The following VPS37B variants were observed in gnomAD, a reference collection of about 807,000 sequenced individuals.
The protein encoded by VPS37B is VPS37B subunit of ESCRT-I, also known as vacuolar protein sorting-associated protein 37B.
In VPS37B, 11 loss-of-function variants were observed where a neutral mutation model predicts 21.2. The ratio of observed to expected loss-of-function variants is 0.52; its 90% CI spans 0.33 to 0.86. VPS37B has a LOEUF of 0.86. VPS37B is among the 40% of genes least tolerant of loss of function. The pLI is 0.03. For missense variants in VPS37B, 389 were observed against 374.8 expected (o/e 1.04, Z -0.31); for synonymous variants, 175 against 159.6 (o/e 1.10, Z -0.73).
chr12:122,888,264 G>T, intron 1 of VPS37B: 1 of 281,834 alleles, frequency 3.5e-6, no homozygotes. Context: ...ACACTGTAAC[G>T]TATTCTAGAG....
Position 122,868,609 on chromosome 12 carries a change from A to G in VPS37B, c.284-47T>C. On this transcript the variant is annotated intron_variant, in intron 2 of 3. Transcript: ENST00000267202. The surrounding 1 kb of genome is among the most constrained non-coding windows in gnomAD (Gnocchi z 5.5). ...TGACAAAAGTGAGAGGTGTCCAGGT[A>G]AAGCCCTTCATGATGCCAACCACGG... 6.4e-7 allele frequency: 1 copy of G among 1,556,294 alleles called. No homozygotes were observed. The highest frequency in any genetic ancestry group is 8.8e-7 in the Non-Finnish European group (1 of 1,136,690).
At chr12:122,877,283 G>A (rs939477023) in intron 1 of VPS37B, 4 of 152,172 alleles carry the variant, frequency 2.6e-5, no homozygotes, top group African/African-American at 9.7e-5. Context: ...GGCTGCGTTA[G>A]GATAAAAACA....
intron 1 of VPS37B, among the ~76,000 whole-genome samples, chr12:122,891,669 C>G (rs577224562): frequency 1.7e-4 from 26 of 152,270 alleles, no homozygotes; most frequent in Middle Eastern, 3.4e-3. Flanking sequence ...CTCAAGAGTG[C>G]AAATCTTAGC....
chr12:122,869,512 G>T (rs1202781085), intron 2 of VPS37B, among the ~76,000 whole-genome samples: 2 of 152,226 alleles, frequency 1.3e-5, no homozygotes, highest in Non-Finnish European at 2.9e-5. Context: ...TCTGGTTTGG[G>T]TGTATGATCG....
At chr12:122,891,707 A>T (rs556849524) in intron 1 of VPS37B, among the ~76,000 whole-genome samples, 48 of 152,314 alleles carry the variant, frequency 3.2e-4, no homozygotes, top group African/African-American at 9.6e-4. Context: ...CAGCATTCAG[A>T]GTGTGTTTGG....
Position 122,867,308 on chromosome 12 carries a change from CGG to C in VPS37B, c.664_665del (p.Pro222ValfsTer111). ...PPVPAGRLATPFTAAMSSGQA... is the reference protein window; with the variant it reads ...PPVPAGRLATXFTAAMSSGQA... ...GTCCCGAACTCATGGCCGCAGTAAA[CGG>C]GGTGGCTAAGCGTCCCGCAGGCACC... On this transcript the variant is annotated frameshift_variant, in exon 4 of 4. Coordinates refer to ENST00000267202, the MANE Select transcript of VPS37B (RefSeq NM_024667.3). LOFTEE classifies it high-confidence loss of function. This position sits in a 1 kb window ranked among gnomAD's most constrained non-coding sequence, Gnocchi z 5.5. 1.3e-6 allele frequency: 1 copy of C among 777,794 alleles called. No homozygotes were observed. The highest frequency in any genetic ancestry group is 1.9e-6 in the Non-Finnish European group (1 of 523,178). The allele number at this position is 777,794 out of a possible 1,614,324, so 48.2% of individuals were successfully genotyped here. A position where few individuals can be genotyped will look rare whatever the true frequency, so the allele number is the denominator to read the frequency against.
rs1029052208 is a variant in VPS37B, at chr12:122,896,070, T to A, written c.-8A>T. 3 of 1,565,492 alleles carry A rather than the reference T, an allele frequency of 1.9e-6. No homozygotes were observed. The African/African-American group carries it at 4.3e-5, about 22-fold the overall frequency. On this transcript the variant is annotated 5_prime_UTR_variant, in exon 1 of 4. Coordinates refer to ENST00000267202, the MANE Select transcript of VPS37B (RefSeq NM_024667.3). ...GCTCCCGGCGCCCGCCATCCCCACG[T>A]CTCGGCCGTCGTCGCCACCGCCGCT... is the stretch of plus-strand genomic sequence containing the variant.
chr12:122,884,486 G>A (rs2034293923), intron 1 of VPS37B: 1 of 152,150 alleles, frequency 6.6e-6, no homozygotes, highest in Non-Finnish European at 1.5e-5. Context: ...GTTGCCCCAG[G>A]ATTTAATGAA....
At chr12:122,871,470 T>C in intron 1 of VPS37B, 1 of 990,048 alleles carries the variant, frequency 1.0e-6, no homozygotes, top group Non-Finnish European at 1.2e-6. Context: ...GAATCACTTA[T>C]CAGCAGGAGA....
chr12:122,890,389 T>C (rs1196161030), intron 1 of VPS37B, among the ~76,000 whole-genome samples: 2 of 151,686 alleles, frequency 1.3e-5, no homozygotes, highest in Non-Finnish European at 2.9e-5. Context: ...TGAAGTGCAG[T>C]GGCATGATCA....
chr12:122,875,780 T>G (rs983434082), intron 1 of VPS37B: 4 of 151,248 alleles, frequency 2.6e-5, no homozygotes, highest in African/African-American at 9.8e-5. Context: ...AGCCTCAATG[T>G]CTGTGACCAA....
Position 122,868,548 on chromosome 12 carries a change from T to G in VPS37B, c.298A>C (p.Ser100Arg), listed in dbSNP as rs1319214238. ...GCTAACAGGGTCTCCAAGGAAGCAC[T>G]GCTAGACTGTCTGTCTGGAAAAAAA... The part of the protein sequence containing the change: ...KKTKLDRQSS[S>R]ASLETLLALL... Residue 100 changes from serine to arginine, a missense_variant, in exon 3 of 4, where the codon AGT (serine) becomes CGT (arginine). Transcript: ENST00000267202. This position sits in a 1 kb window ranked among gnomAD's most constrained non-coding sequence, Gnocchi z 5.5. The G allele has an allele frequency of 6.2e-7, 1 of 1,613,498 alleles. No individual in the cohort carries two copies. Among genetic ancestry groups the G allele is most frequent in the East Asian group, 2.2e-5 (1 of 44,890 alleles).
intron 1 of VPS37B, among the ~76,000 whole-genome samples, chr12:122,892,309 T>C (rs192871438): frequency 1.3e-5 from 2 of 152,264 alleles, no homozygotes; most frequent in South Asian, 2.1e-4. Context: ...TCCGAAATCA[T>C]GTTCACTACT....
intron 1 of VPS37B, chr12:122,888,585 G>A (rs1331291962): frequency 2.2e-6 from 1 of 456,054 alleles, no homozygotes; most frequent in East Asian, 6.9e-5. Flanking sequence ...CAGGCAACAA[G>A]GCCGGCATTC....
At chr12:122,878,552 C>T (rs2034195906) in intron 1 of VPS37B, 1 of 150,390 alleles carries the variant, frequency 6.6e-6, no homozygotes, top group Non-Finnish European at 1.5e-5. Flanking sequence ...GAAAAAAGGT[C>T]TTTGCAAATG....
intron 1 of VPS37B, chr12:122,873,485 A>G (rs1429443959): frequency 8.5e-5 from 13 of 152,094 alleles, no homozygotes; most frequent in Admixed American, 5.9e-4. Flanking sequence ...TCAATCAATC[A>G]TTTGTTCAAT....
rs1007125530 is a variant in VPS37B, at chr12:122,866,260, G to A, written c.*856C>T. On this transcript the variant is annotated 3_prime_UTR_variant, in exon 4 of 4. Coordinates refer to ENST00000267202, the MANE Select transcript of VPS37B (RefSeq NM_024667.3). ...ATTGCATCCACTTCATCGGCATTTC[G>A]ATCTGCTCAAGACAGTATCTGCATT... is the stretch of plus-strand genomic sequence containing the variant. 5.2e-5 allele frequency: 8 copies of A among 152,644 alleles called. No homozygotes were observed. The highest frequency in any genetic ancestry group is 2.0e-4 in the Admixed American group (3 of 15,292). The allele number at this position is 152,644 out of a possible 1,614,324, so 9.5% of individuals were successfully genotyped here.
rs116770823 is a variant in VPS37B at position 122,871,147 on chromosome 12, G to A, written c.112-86C>T. The A allele has an allele frequency of 1.3e-3, 2,017 of 1,521,138 alleles. 22 individuals carry two copies. The African/African-American group carries it at 0.024, about 18-fold the overall frequency. The allele number at this position is 1,521,138 out of a possible 1,614,324, so 94.2% of individuals were successfully genotyped here. A position where few individuals can be genotyped will look rare whatever the true frequency, so the allele number is the denominator to read the frequency against. ...TCCCCACGCACACCCCAGGAGCCCA[G>A]TGCAGCTGCTGCCACCTCACTGGTC... On this transcript the variant is annotated intron_variant, in intron 1 of 3. Coordinates refer to ENST00000267202, the MANE Select transcript of VPS37B (RefSeq NM_024667.3).
At chr12:122,870,720 T>G in intron 2 of VPS37B, 170 bp downstream of exon 2, 1 of 684,420 alleles carries the variant, frequency 1.5e-6, no homozygotes, top group Non-Finnish European at 2.3e-6. Context: ...AGCAAGACCC[T>G]GTCTCTAAAA....
Sources: allele counts gnomAD v4.1 joint callset (sites outside exome capture counted in the v4.1 genomes callset), GRCh38; gene constraint gnomAD v4.1.1; non-coding constraint Gnocchi (gnomAD v3.1); transcripts MANE v1.5; gene names NCBI Gene and HGNC (gene_info 2026-07-23, HGNC 2026-07-21).